Variants in CLEC16A observed in about 807,000 individuals in gnomAD.
CLEC16A encodes the protein protein CLEC16A.
In CLEC16A, 51 loss-of-function variants were observed where a neutral mutation model predicts 109.5. The observed-to-expected ratio is 0.47, with a 90% CI of 0.37 to 0.59. CLEC16A has a LOEUF of 0.59. Among genes scored for constraint, CLEC16A ranks in the 20% least tolerant of loss-of-function variants. The pLI is 0.00. For synonymous variants in CLEC16A, 673 were observed against 564.2 expected, an observed-to-expected ratio of 1.19 and a Z score of -2.73; for missense variants, 1,339 against 1,394.0, an observed-to-expected ratio of 0.96 and a Z score of 0.63.
chr16:11,154,677 C>T (rs899555944), intron 22 of CLEC16A, among the ~76,000 whole-genome samples: 1 of 152,194 alleles, frequency 6.6e-6, no homozygotes, highest in Non-Finnish European at 1.5e-5. Context: ...GTAATCCCAG[C>T]ACTTTGGGAG....
intron 19 of CLEC16A, among the ~76,000 whole-genome samples, chr16:11,074,983 G>A (rs1362154105): frequency 6.6e-6 from 1 of 152,054 alleles, no homozygotes; most frequent in Non-Finnish European, 1.5e-5. Flanking sequence ...GACCAGCCTG[G>A]GCAGCATAGT....
At chr16:11,135,131 C>T (rs1157415940) in intron 22 of CLEC16A, among the ~76,000 whole-genome samples, 1 of 152,218 alleles carries the variant, frequency 6.6e-6, no homozygotes, top group Non-Finnish European at 1.5e-5. Context: ...GATTTGAGCC[C>T]CTTTCAAAGC....
At chr16:11,168,859 C>T (rs112222452) in intron 23 of CLEC16A, among the ~76,000 whole-genome samples, 49 of 152,352 alleles carry the variant, frequency 3.2e-4, no homozygotes, top group African/African-American at 1.1e-3. Flanking sequence ...CTGCCAGTTG[C>T]TTGATTTGAC....
chr16:11,167,015 C>G (rs962870529), intron 23 of CLEC16A, among the ~76,000 whole-genome samples: 5 of 152,160 alleles, frequency 3.3e-5, no homozygotes, highest in Admixed American at 6.5e-5. Context: ...CGCACTTTGC[C>G]ACTCTTTGGT....
chr16:11,132,996 G>T (rs2053320205), intron 22 of CLEC16A, among the ~76,000 whole-genome samples: 1 of 152,158 alleles, frequency 6.6e-6, no homozygotes, highest in Non-Finnish European at 1.5e-5. Flanking sequence ...GTTTGGGTGT[G>T]AGCTGGCAAG....
chr16:11,014,049 T>C (rs1435339107), intron 11 of CLEC16A, among the ~76,000 whole-genome samples: 1 of 152,240 alleles, frequency 6.6e-6, no homozygotes, highest in South Asian at 2.1e-4. Context: ...TAAAAATGCA[T>C]GGAATATTAG....
At chr16:11,010,792 A>C (rs1018279340) in intron 11 of CLEC16A, among the ~76,000 whole-genome samples, 1 of 152,178 alleles carries the variant, frequency 6.6e-6, no homozygotes, top group Non-Finnish European at 1.5e-5. Context: ...TCACGCCTCC[A>C]GCCTCCTTTA....
intron 11 of CLEC16A, among the ~76,000 whole-genome samples, chr16:11,011,641 T>C (rs1391604979): frequency 6.6e-6 from 1 of 152,204 alleles, no homozygotes; most frequent in Non-Finnish European, 1.5e-5. Context: ...CTGGATGTGC[T>C]CATCGCTACT....
intron 2 of CLEC16A, among the ~76,000 whole-genome samples, chr16:10,960,412 G>A (rs2146032222): frequency 6.6e-6 from 1 of 152,312 alleles, no homozygotes; most frequent in Non-Finnish European, 1.5e-5. Context: ...TTTGTCTCAT[G>A]TTTTTCTCAT....
chr16:11,100,634 C>T (rs963877036), intron 19 of CLEC16A, among the ~76,000 whole-genome samples: 2 of 152,206 alleles, frequency 1.3e-5, no homozygotes, highest in African/African-American at 4.8e-5. Flanking sequence ...AGCACAACCT[C>T]AAGTCAGTTA....
intron 23 of CLEC16A, among the ~76,000 whole-genome samples, chr16:11,173,483 T>C (rs1597635256): frequency 2.3e-5 from 2 of 86,612 alleles, no homozygotes; most frequent in African/African-American, 1.1e-4. Flanking sequence ...CCTGCTGTGG[T>C]TCAGTCTTGA....
intron 11 of CLEC16A, among the ~76,000 whole-genome samples, chr16:11,017,312 A>G (rs986649425): frequency 1.3e-5 from 2 of 152,214 alleles, no homozygotes; most frequent in Admixed American, 6.5e-5. Flanking sequence ...AACAAGACAC[A>G]TAAGACAGCT....
intron 22 of CLEC16A, among the ~76,000 whole-genome samples, chr16:11,134,623 T>C (rs1249930904): frequency 6.6e-6 from 1 of 152,264 alleles, no homozygotes; most frequent in Non-Finnish European, 1.5e-5. Context: ...ATTTGCATTA[T>C]ACTTACTTAC....
intron 1 of CLEC16A, among the ~76,000 whole-genome samples, chr16:10,957,255 T>G (rs1487964195): frequency 3.3e-5 from 5 of 152,252 alleles, no homozygotes; most frequent in Non-Finnish European, 5.9e-5. Context: ...CATGTGATTT[T>G]TGTCCCAGCA....
chr16:11,048,967 A>G (rs80217822), intron 17 of CLEC16A, among the ~76,000 whole-genome samples: 5,777 of 151,946 alleles, frequency 0.038, 168 homozygotes, highest in South Asian at 0.057. Context: ...GCTTTTGACA[A>G]TGCAACCTTG....
At chr16:11,126,400 T>A (rs566815894) in intron 22 of CLEC16A, 1 of 1,431,210 alleles carries the variant, frequency 7.0e-7, no homozygotes, top group African/African-American at 1.4e-5. Flanking sequence ...CTTCTCAGAA[T>A]TGACTAAGAA....
rs1210363467 is a variant in CLEC16A at position 11,131,663 on chromosome 16, TC to T, written c.2641+5521del. 2.0e-5 allele frequency among the ~76,000 whole-genome samples: 3 copies of T among 152,164 alleles called. No individual in the cohort carries two copies. In the East Asian group the frequency reaches 5.8e-4, roughly 29 times the overall value. ...TCCCACCTGGTTTACCATCAACCGCTCCCCACCAGCCTGTTAACTCCGGGAC... is the reference window on the plus strand; with the variant it reads ...TCCCACCTGGTTTACCATCAACCGCTCCCACCAGCCTGTTAACTCCGGGAC... On this transcript the variant is annotated intron_variant, in intron 22 of 23. Transcript: ENST00000409790.
At position 11,178,708 on chromosome 16, in the gene CLEC16A, C is replaced by T. The variant is rs200985244; in HGVS notation, c.*18C>T. The T allele has an allele frequency of 2.8e-6, 4 of 1,447,022 alleles. No individual in the cohort carries two copies. The highest frequency in any genetic ancestry group is 2.5e-5 in the Admixed American group (1 of 40,010). 89.6% of individuals were successfully genotyped at this position (1,447,022 alleles called of 1,614,324 possible). A position where few individuals can be genotyped will look rare whatever the true frequency, so the allele number is the denominator to read the frequency against. On this transcript the variant is annotated 3_prime_UTR_variant, in exon 24 of 24. Transcript: ENST00000409790. This position sits in a 1 kb window ranked among gnomAD's most constrained non-coding sequence, Gnocchi z 6.5. Reference sequence around the variant, plus strand: ...AGGACTGAGTCAGTGCCGGGGCCTCCCTTTGTGTGTGTGGCCCCGCTGGTA... The same window carrying T: ...AGGACTGAGTCAGTGCCGGGGCCTCTCTTTGTGTGTGTGGCCCCGCTGGTA...
chr16:11,120,727 G>A lies in CLEC16A; in HGVS notation c.2229G>A (p.Arg743=), dbSNP rs1165650635. The change falls in exon 20 of 24, where the codon AGG becomes AGA. Residue 743 remains arginine (R), a synonymous_variant. Coordinates refer to ENST00000409790, the MANE Select transcript of CLEC16A (RefSeq NM_015226.3). ...QMSLVEPDVS[R]LGWGVVKFAG... ...GTTTGGTGGAGCCTGATGTGTCCAG[G>A]CTTGGCTGGGGAGTGGTCAAGTTTG... is the stretch of plus-strand genomic sequence containing the variant. 6.3e-7 allele frequency: 1 copy of A among 1,592,302 alleles called. No individual in the cohort carries two copies. Among genetic ancestry groups the A allele is most frequent in the Non-Finnish European group, 8.6e-7 (1 of 1,168,784 alleles).
Sources: gnomAD v4.1 joint callset for allele counts (sites outside exome capture counted in the v4.1 genomes callset) on GRCh38, gnomAD v4.1.1 for gene constraint, Gnocchi (gnomAD v3.1) non-coding constraint, MANE v1.5 for transcripts, NCBI Gene and HGNC (gene_info 2026-07-23, HGNC 2026-07-21) for gene names.